The following JAKMIP1 variants were observed in gnomAD, a reference collection of about 807,000 sequenced individuals.
JAKMIP1 encodes the protein janus kinase and microtubule-interacting protein 1.
A neutral mutation model predicts 113.0 loss-of-function variants in JAKMIP1; 33 were observed. That is an observed-to-expected ratio of 0.29 (90% CI 0.22 to 0.39). The LOEUF (loss-of-function observed/expected upper bound fraction) is 0.39. Among genes scored for constraint, JAKMIP1 ranks in the 10% least tolerant of loss-of-function variants. JAKMIP1 has a pLI of 1.00. For missense variants in JAKMIP1, 813 were observed against 1,080.5 expected (o/e 0.75, Z 3.47); for synonymous variants, 480 against 459.9 (o/e 1.04, Z -0.56).
chr4:6,147,419 T>C (rs1720990456), intron 1 of JAKMIP1, among the ~76,000 whole-genome samples: 1 of 152,216 alleles, frequency 6.6e-6, no homozygotes, highest in African/African-American at 2.4e-5. Flanking sequence ...GGAGAATGTC[T>C]GGGCAATGGC....
intron 3 of JAKMIP1, among the ~76,000 whole-genome samples, chr4:6,090,280 C>T (rs190895409): frequency 1.3e-5 from 2 of 152,072 alleles, no homozygotes; most frequent in African/African-American, 2.4e-5. Context: ...GAGAAGGCCA[C>T]GTGCAGGCAG....
At chr4:6,092,412 G>C (rs1001978836) in intron 3 of JAKMIP1, among the ~76,000 whole-genome samples, 2 of 152,192 alleles carry the variant, frequency 1.3e-5, no homozygotes, top group Non-Finnish European at 2.9e-5. Flanking sequence ...GAGGAAACTG[G>C]AGCACCACCC....
intron 12 of JAKMIP1, among the ~76,000 whole-genome samples, chr4:6,056,316 C>T (rs893876766): frequency 6.6e-6 from 1 of 151,168 alleles, no homozygotes; most frequent in Non-Finnish European, 1.5e-5. Flanking sequence ...GTTGGGGCAG[C>T]CCTCCCCATT....
chr4:6,105,395 T>A, intron 3 of JAKMIP1, 78 bp downstream of exon 3: 2 of 1,406,668 alleles, frequency 1.4e-6, no homozygotes, highest in East Asian at 2.3e-5. Flanking sequence ...CAGCAGGTCC[T>A]CGGAGCTCCG....
At chr4:6,029,686 C>G (rs1020258240) in intron 20 of JAKMIP1, 30 bp downstream of exon 20, 2 of 1,495,072 alleles carry the variant, frequency 1.3e-6, no homozygotes, top group African/African-American at 2.8e-5. Context: ...GGAAAGAAAC[C>G]TGGGGACAGT....
chr4:6,026,219 C>G lies in JAKMIP1; in HGVS notation c.*9G>C, dbSNP rs550590500. On this transcript the variant is annotated 3_prime_UTR_variant, in exon 21 of 21. Coordinates refer to ENST00000409021, the MANE Select transcript of JAKMIP1 (RefSeq NM_001099433.2). ...GATACCAACCCGAGTTCTTGGCTCA[C>G]TGAAGTCATCAAGGCCACAGAATGA... is the stretch of plus-strand genomic sequence containing the variant. The G allele has an allele frequency of 6.5e-7, 1 of 1,549,404 alleles. No individual in the cohort carries two copies. Among genetic ancestry groups the G allele is most frequent in the African/African-American group, 1.4e-5 (1 of 72,878 alleles).
At position 6,142,303 on chromosome 4, in the gene JAKMIP1, C is replaced by T. The variant is rs753098567; in HGVS notation, c.-147-29306G>A. On this transcript the variant is annotated intron_variant, in intron 1 of 20. Transcript: ENST00000409021. This position sits in a 1 kb window ranked among gnomAD's most constrained non-coding sequence, Gnocchi z 5.5. ...AACGCTGCAAAGTTTCGAAGAGGCT[C>T]GTACCCATGTATGCCCGCACAGGCA... is the stretch of plus-strand genomic sequence containing the variant. Among the ~76,000 whole-genome samples, 2 of 152,134 alleles carry T rather than the reference C, an allele frequency of 1.3e-5. No homozygotes were observed. Among genetic ancestry groups the T allele is most frequent in the Non-Finnish European group, 2.9e-5 (2 of 68,024 alleles).
chr4:6,079,504 T>C (rs1393786847), intron 7 of JAKMIP1, among the ~76,000 whole-genome samples: 2 of 152,202 alleles, frequency 1.3e-5, no homozygotes, highest in Non-Finnish European at 2.9e-5. Flanking sequence ...TGAAAACCAG[T>C]GCATGGAACC....
rs1378673528 is a variant in JAKMIP1 at position 6,176,869 on chromosome 4, CA to C, written c.-148+23383del. 6.6e-6 allele frequency among the ~76,000 whole-genome samples: 1 copy of C among 152,036 alleles called. No homozygotes were observed. The highest frequency in any genetic ancestry group is 1.5e-5 in the Non-Finnish European group (1 of 68,000). On this transcript the variant is annotated intron_variant, in intron 1 of 20. Coordinates refer to ENST00000409021, the MANE Select transcript of JAKMIP1 (RefSeq NM_001099433.2). This position sits in a 1 kb window ranked among gnomAD's most constrained non-coding sequence, Gnocchi z 5.5. ...GCAACATGGCGAAACCCTGCCTCTA[CA>C]AAAAATACAAAAATTAGCCAGGCAT...
rs1413495995 is a variant in JAKMIP1, at chr4:6,049,498, C to A, written c.1962+321G>T. ...TGTGAAACATGGCTACATGCAAGCT[C>A]ATCTTTCAGGACGGCAAAAAGATCC... On this transcript the variant is annotated intron_variant, in intron 15 of 20. Transcript: ENST00000409021. The surrounding 1 kb of genome is among the most constrained non-coding windows in gnomAD (Gnocchi z 7.0). Among the ~76,000 whole-genome samples, 1 of 152,004 alleles carries A rather than the reference C, an allele frequency of 6.6e-6. No individual in the cohort carries two copies. Among genetic ancestry groups the A allele is most frequent in the Non-Finnish European group, 1.5e-5 (1 of 68,024 alleles).
chr4:6,166,477 G>T (rs1336511334), intron 1 of JAKMIP1, among the ~76,000 whole-genome samples: 2 of 152,192 alleles, frequency 1.3e-5, no homozygotes, highest in Admixed American at 6.5e-5. Flanking sequence ...AATAACTGTG[G>T]CCAGGGACAC....
chr4:6,065,093 G>A lies in JAKMIP1; in HGVS notation c.1303-85C>T. The A allele has an allele frequency of 1.3e-6, 2 of 1,528,256 alleles. No homozygotes were observed. The highest frequency in any genetic ancestry group is 1.1e-5 in the South Asian group (1 of 87,468). The allele number at this position is 1,528,256 out of a possible 1,614,324, so 94.7% of individuals were successfully genotyped here. ...CCCTGGTCGTGGGCATGCCAGTGCA[G>A]GGGGGTGATGATTGACATTTGGGCC... is the stretch of plus-strand genomic sequence containing the variant. On this transcript the variant is annotated intron_variant, in intron 8 of 20. Coordinates refer to ENST00000409021, the MANE Select transcript of JAKMIP1 (RefSeq NM_001099433.2). This position sits in a 1 kb window ranked among gnomAD's most constrained non-coding sequence, Gnocchi z 5.1.
Position 6,155,768 on chromosome 4 carries a change from T to A in JAKMIP1, c.-147-42771A>T, listed in dbSNP as rs4379124. ...TGTCCTTTAAGCTGAAGCTCTATCA[T>A]CTCAAATTTTGCTCTGAAGGCCTGT... On this transcript the variant is annotated intron_variant, in intron 1 of 20. Coordinates refer to ENST00000409021, the MANE Select transcript of JAKMIP1 (RefSeq NM_001099433.2). The surrounding 1 kb of genome is among the most constrained non-coding windows in gnomAD (Gnocchi z 6.1). 0.043 allele frequency among the ~76,000 whole-genome samples: 6,521 copies of A among 152,286 alleles called. 180 individuals are homozygous for A. The highest frequency in any genetic ancestry group is 0.078 in the South Asian group (375 of 4,828).
At chr4:6,032,097 T>C (rs1049522404) in intron 19 of JAKMIP1, among the ~76,000 whole-genome samples, 1 of 152,070 alleles carries the variant, frequency 6.6e-6, no homozygotes, top group Admixed American at 6.5e-5. Context: ...GTAGCAGCTG[T>C]TGGGCTCTGG....
At position 6,116,430 on chromosome 4, in the gene JAKMIP1, T is replaced by C. The variant is rs887974408; in HGVS notation, c.-147-3433A>G. ...ACAGCACTGGCTCAGCGCCGCAGGCTGGAGGATGACTGCTCAGGACACACA... is the reference window on the plus strand; with the variant it reads ...ACAGCACTGGCTCAGCGCCGCAGGCCGGAGGATGACTGCTCAGGACACACA... On this transcript the variant is annotated intron_variant, in intron 1 of 20. Transcript: ENST00000409021. The surrounding 1 kb of genome is among the most constrained non-coding windows in gnomAD (Gnocchi z 5.1). Among the ~76,000 whole-genome samples, 2 of 152,038 alleles carry C rather than the reference T, an allele frequency of 1.3e-5. No homozygotes were observed. The highest frequency in any genetic ancestry group is 2.4e-5 in the African/African-American group (1 of 41,386).
Position 6,065,139 on chromosome 4 carries a change from G to A in JAKMIP1, c.1303-131C>T, listed in dbSNP as rs886249613. Reference sequence around the variant, plus strand: ...GGGCCACTGGGGCATCACAAGATGCGGTTGGTGGGCTTCGTAACTGACTGG... The same window carrying A: ...GGGCCACTGGGGCATCACAAGATGCAGTTGGTGGGCTTCGTAACTGACTGG... On this transcript the variant is annotated intron_variant, in intron 8 of 20. Transcript: ENST00000409021. This position sits in a 1 kb window ranked among gnomAD's most constrained non-coding sequence, Gnocchi z 5.1. 6.1e-5 allele frequency: 69 copies of A among 1,138,462 alleles called. No individual in the cohort carries two copies. The highest frequency in any genetic ancestry group is 4.7e-4 in the Admixed American group (27 of 57,232). The allele number at this position is 1,138,462 out of a possible 1,614,324, so 70.5% of individuals were successfully genotyped here. A position where few individuals can be genotyped will look rare whatever the true frequency, so the allele number is the denominator to read the frequency against.
At chr4:6,122,893 G>A (rs561442134) in intron 1 of JAKMIP1, among the ~76,000 whole-genome samples, 1 of 152,268 alleles carries the variant, frequency 6.6e-6, no homozygotes, top group East Asian at 1.9e-4. Context: ...CAGAAAATGA[G>A]GCTAGTAATA....
At position 6,089,761 on chromosome 4, in the gene JAKMIP1, A is replaced by G. The variant is rs1459165979; in HGVS notation, c.625-4132T>C. The stretch of plus-strand genomic sequence containing the variant: ...GACTGAAGCAGAGGCCACTACCTCA[A>G]CATCAATTCTCATTCTTGGTACCTG... On this transcript the variant is annotated intron_variant, in intron 3 of 20. Coordinates refer to ENST00000409021, the MANE Select transcript of JAKMIP1 (RefSeq NM_001099433.2). The surrounding 1 kb of genome is among the most constrained non-coding windows in gnomAD (Gnocchi z 5.3). 6.6e-6 allele frequency among the ~76,000 whole-genome samples: 1 copy of G among 152,222 alleles called. No homozygotes were observed. The highest frequency in any genetic ancestry group is 1.5e-5 in the Non-Finnish European group (1 of 68,034).
chr4:6,078,791 G>A, intron 8 of JAKMIP1, 148 bp downstream of exon 8: 2 of 686,124 alleles, frequency 2.9e-6, no homozygotes, highest in South Asian at 1.8e-5. Flanking sequence ...GAGAGACGGT[G>A]ATGACAGGCT....
Sources: gnomAD v4.1 joint callset for allele counts (sites outside exome capture counted in the v4.1 genomes callset) on GRCh38, gnomAD v4.1.1 for gene constraint, Gnocchi (gnomAD v3.1) non-coding constraint, MANE v1.5 for transcripts, NCBI Gene and HGNC (gene_info 2026-07-23, HGNC 2026-07-21) for gene names.